CFAP74: variants seen among roughly 807,000 people sequenced by gnomAD.
The protein encoded by CFAP74 is cilia and flagella associated protein 74.
In CFAP74, 124 loss-of-function variants were observed where a neutral mutation model predicts 188.9. The observed-to-expected ratio is 0.66, with a 90% CI of 0.57 to 0.76. The LOEUF (loss-of-function observed/expected upper bound fraction) is 0.76. CFAP74 is among the 30% of genes least tolerant of loss of function. The probability of loss-of-function intolerance (pLI) is 0.00; values close to 1 mark genes in which losing one functional copy is unlikely to be tolerated. For synonymous variants in CFAP74, 956 were observed against 916.7 expected, an observed-to-expected ratio of 1.04 and a Z score of -0.77; for missense variants, 2,198 against 2,165.2, an observed-to-expected ratio of 1.02 and a Z score of -0.30.
chr1:1,928,910 G>A, intron 26 of CFAP74, 28 bp from the exon 27 acceptor site: 3 of 1,481,264 alleles, frequency 2.0e-6, no homozygotes, highest in East Asian at 4.9e-5. Flanking sequence ...TGGGCACAGG[G>A]GTTGCCACTT....
rs149049516 is a variant in CFAP74 at position 1,947,008 on chromosome 1, C to T, written c.2223G>A (p.Thr741=). 267 of 1,536,002 alleles carry T rather than the reference C, an allele frequency of 1.7e-4. 1 individual carries two copies. The African/African-American group carries it at 3.1e-3, about 18-fold the overall frequency. ...TTVIPPSEEQ[T]EITLGEVTEG... ...GGCTGACCTCCCCCAGCGTGATCTC[C>T]GTCTGCTCTTCGCTGGGAGGTATCA... Residue 741 remains threonine (T), a synonymous_variant, in exon 19 of 39, where the codon ACG becomes ACA. Transcript: ENST00000682832.
At position 1,923,333 on chromosome 1, in the gene CFAP74, C is replaced by T; in HGVS notation, c.4522+34G>A. 6.5e-7 allele frequency: 1 copy of T among 1,539,806 alleles called. No homozygotes were observed. The highest frequency in any genetic ancestry group is 1.2e-5 in the South Asian group (1 of 83,940). ...CCACGGGACAGGGGCACCGGGAGGC[C>T]CCGTGTCTGTTCCCTCCCTGGGGAG... On this transcript the variant is annotated intron_variant, in intron 36 of 38. Transcript: ENST00000682832. This position sits in a 1 kb window ranked among gnomAD's most constrained non-coding sequence, Gnocchi z 6.3.
rs747181654 is a variant in CFAP74, at chr1:1,922,352, G to A, written c.4855C>T (p.Leu1619=). Residue 1619 remains leucine, a synonymous_variant, in exon 39 of 39, where the codon CTA becomes TTA. Transcript: ENST00000682832. ...HPLMVSALLQ[L]RGDVKETYKV... is the part of the protein sequence containing the mutation. The stretch of plus-strand genomic sequence containing the variant: ...TAGGTCTCCTTCACATCCCCCCTTA[G>A]CTGCAGCAGGGCCGACACCATGAGT... The A allele has an allele frequency of 1.6e-5, 26 of 1,601,782 alleles. No individual in the cohort carries two copies. The highest frequency in any genetic ancestry group is 3.4e-5 in the South Asian group (3 of 89,322).
At chr1:1,933,567 G>A (rs1652588737) in intron 25 of CFAP74, among the ~76,000 whole-genome samples, 1 of 152,184 alleles carries the variant, frequency 6.6e-6, no homozygotes, top group South Asian at 2.1e-4. Context: ...CAGGTTCCCT[G>A]GTGTAAAGAT....
In CFAP74 at chr1:1,957,890, G is replaced by T. The variant is rs541792435; in HGVS notation, c.1852-1106C>A. Among the ~76,000 whole-genome samples, 1,139 of 152,314 alleles carry T rather than the reference G, an allele frequency of 7.5e-3. 22 individuals are homozygous for T. Among genetic ancestry groups the T allele is most frequent in the African/African-American group, 0.026 (1,060 of 41,568 alleles). On this transcript the variant is annotated intron_variant, in intron 16 of 38. Transcript: ENST00000682832. The stretch of plus-strand genomic sequence containing the variant: ...CAACCGTGACCGCTCTGAGGAGAAG[G>T]CGGCAGCCACAGGGCAAGGAGCTGC...
chr1:1,973,534 T>C lies in CFAP74; in HGVS notation c.675-487A>G, dbSNP rs996716429. ...GCTGGCCTGATGGCCTGTGGAGCACTTGGGGACTGGCCTAGTAGGTGGCCG... is the reference window on the plus strand; with the variant it reads ...GCTGGCCTGATGGCCTGTGGAGCACCTGGGGACTGGCCTAGTAGGTGGCCG... On this transcript the variant is annotated intron_variant, in intron 7 of 38. Coordinates refer to ENST00000682832, the MANE Select transcript of CFAP74 (RefSeq NM_001304360.2). The surrounding 1 kb of genome is among the most constrained non-coding windows in gnomAD (Gnocchi z 6.2). Among the ~76,000 whole-genome samples, 1 of 151,962 alleles carries C rather than the reference T, an allele frequency of 6.6e-6. No homozygotes were observed. The highest frequency in any genetic ancestry group is 2.4e-5 in the African/African-American group (1 of 41,352).
At position 1,970,797 on chromosome 1, in the gene CFAP74, TG is replaced by T. The variant is rs1406976795; in HGVS notation, c.907del (p.Gln303LysfsTer65). On this transcript the variant is annotated frameshift_variant, in exon 10 of 39. Transcript: ENST00000682832. LOFTEE classifies it high-confidence loss of function. ...SANRDTLRKF[Q>X]AWDRAKAELA... ...CTCTGCCTTGGCACGGTCCCATGCT[TG>T]GAACTTCCGCAGTGTGTCCTTGGAA... is the stretch of plus-strand genomic sequence containing the variant. 4 of 1,614,006 alleles carry T rather than the reference TG, an allele frequency of 2.5e-6. No homozygotes were observed. Among genetic ancestry groups the T allele is most frequent in the Non-Finnish European group, 3.4e-6 (4 of 1,180,006 alleles).
chr1:1,947,035 T>C lies in CFAP74; in HGVS notation c.2196A>G (p.Thr732=). The C allele has an allele frequency of 3.3e-6, 5 of 1,536,036 alleles. No individual in the cohort carries two copies. The highest frequency in any genetic ancestry group is 3.5e-6 in the Non-Finnish European group (4 of 1,146,774). Reference sequence around the variant, plus strand: ...TCTGCTCTTCGCTGGGAGGTATCACTGTGGTTAATCTCTCTGGTTCTGGAA... The same window carrying C: ...TCTGCTCTTCGCTGGGAGGTATCACCGTGGTTAATCTCTCTGGTTCTGGAA... The part of the protein sequence containing the change: ...EQPAEPERLT[T]VIPPSEEQTE... Residue 732 remains threonine, a synonymous_variant, in exon 19 of 39, where the codon ACA becomes ACG. Transcript: ENST00000682832.
At position 1,935,442 on chromosome 1, in the gene CFAP74, G is replaced by A. The variant is rs547241994; in HGVS notation, c.3011+3413C>T. ...AGGTTGTAGGTACACACGTGTGTAC[G>A]TGGGTGTTAGGTTGTAGGTACACAG... On this transcript the variant is annotated intron_variant, in intron 25 of 38. Transcript: ENST00000682832. Among the ~76,000 whole-genome samples, 46 of 97,628 alleles carry A rather than the reference G, an allele frequency of 4.7e-4. 15 individuals are homozygous for A. The highest frequency in any genetic ancestry group is 1.5e-3 in the African/African-American group (41 of 27,574). 64.0% of individuals were successfully genotyped at this position (97,628 alleles called of 152,430 possible). A position where few individuals can be genotyped will look rare whatever the true frequency, so the allele number is the denominator to read the frequency against.
In CFAP74 at chr1:1,930,071, A is replaced by G; in HGVS notation, c.3277T>C (p.Trp1093Arg). Reference protein sequence around the residue: ...ITISPSVGTVWPGKRCLVQVA... With the variant: ...ITISPSVGTVRPGKRCLVQVA... ...GGGCCCACACCCACCTTTCCTGGCCACACGGTCCCCACTGAGGGCGAGATG... is the reference window on the plus strand; with the variant it reads ...GGGCCCACACCCACCTTTCCTGGCCGCACGGTCCCCACTGAGGGCGAGATG... The change falls in exon 26 of 39, where the codon TGG becomes CGG. Residue 1093 changes from tryptophan to arginine, a missense_variant. Coordinates refer to ENST00000682832, the MANE Select transcript of CFAP74 (RefSeq NM_001304360.2). 1 of 1,522,480 alleles carries G rather than the reference A, an allele frequency of 6.6e-7. No homozygotes were observed. The highest frequency in any genetic ancestry group is 2.5e-5 in the East Asian group (1 of 40,590). The allele number at this position is 1,522,480 out of a possible 1,614,324, so 94.3% of individuals were successfully genotyped here.
At chr1:1,984,219 C>T (rs1657092773) in intron 6 of CFAP74, 1 of 152,098 alleles carries the variant, frequency 6.6e-6, no homozygotes, top group African/African-American at 2.4e-5. Flanking sequence ...GTCTTGAACT[C>T]CTGACCTCAG....
intron 9 of CFAP74, 110 bp from the exon 10 acceptor site, chr1:1,970,926 C>A (rs1015949490): frequency 5.4e-6 from 7 of 1,306,664 alleles, no homozygotes; most frequent in African/African-American, 1.5e-5. Flanking sequence ...CGTGCACACA[C>A]GTGCACACAC....
chr1:1,959,776 T>C (rs530135776), intron 15 of CFAP74, among the ~76,000 whole-genome samples, 188 bp downstream of exon 15: 1 of 152,340 alleles, frequency 6.6e-6, no homozygotes, highest in East Asian at 1.9e-4. Flanking sequence ...GCGCCGCGGT[T>C]CTGCCCAGCA....
At chr1:1,926,868 C>G (rs1336141949) in intron 29 of CFAP74, 26 bp downstream of exon 29, 1 of 1,549,802 alleles carries the variant, frequency 6.5e-7, no homozygotes, top group East Asian at 2.4e-5. Flanking sequence ...CTGACCACAC[C>G]CTGTTCTGGC....
In CFAP74 at chr1:1,979,706, G is replaced by A. The variant is rs190171158; in HGVS notation, c.501-5508C>T. Among the ~76,000 whole-genome samples, 17 of 126,946 alleles carry A rather than the reference G, an allele frequency of 1.3e-4. 2 individuals carry two copies. In the East Asian group the frequency reaches 2.9e-3, roughly 22 times the overall value. 83.3% of individuals were successfully genotyped at this position (126,946 alleles called of 152,430 possible). ...CGCGTGACGAGGCTGCGCAGAACAC[G>A]CATGTCATGCTGAGCTGGGTGTGGG... is the stretch of plus-strand genomic sequence containing the variant. On this transcript the variant is annotated intron_variant, in intron 6 of 38. Coordinates refer to ENST00000682832, the MANE Select transcript of CFAP74 (RefSeq NM_001304360.2).
In CFAP74 at chr1:1,935,032, T is replaced by C. The variant is rs1299488596; in HGVS notation, c.3011+3823A>G. On this transcript the variant is annotated intron_variant, in intron 25 of 38. Coordinates refer to ENST00000682832, the MANE Select transcript of CFAP74 (RefSeq NM_001304360.2). ...ATGTGTGTTGCTGTGGGTACACACG[T>C]GTGTACGTGGGTGTTAGGCTGTGGG... Among the ~76,000 whole-genome samples the C allele has an allele frequency of 3.9e-5, 3 of 77,256 alleles. 1 individual carries two copies. Among genetic ancestry groups the C allele is most frequent in the Non-Finnish European group, 5.2e-5 (2 of 38,164 alleles). 50.7% of individuals were successfully genotyped at this position (77,256 alleles called of 152,430 possible). A position where few individuals can be genotyped will look rare whatever the true frequency, so the allele number is the denominator to read the frequency against.
Position 1,964,987 on chromosome 1 carries a change from C to T in CFAP74, c.1476G>A (p.Val492=), listed in dbSNP as rs774528600. 32 of 1,613,888 alleles carry T rather than the reference C, an allele frequency of 2.0e-5. 1 individual carries two copies. Among genetic ancestry groups the T allele is most frequent in the Middle Eastern group, 1.6e-4 (1 of 6,084 alleles). ...KMDKDILERT[V]ERLRSRVVHK... ...GGACCACCCTGCTCCGCAGCCGCTC[C>T]ACCGTGCGCTCCAGGATGTCCTTGT... is the stretch of plus-strand genomic sequence containing the variant. The change falls in exon 13 of 39, where the codon GTG becomes GTA. Residue 492 remains valine, a synonymous_variant. Coordinates refer to ENST00000682832, the MANE Select transcript of CFAP74 (RefSeq NM_001304360.2).
chr1:1,980,645 C>T (rs1656780718), intron 6 of CFAP74, among the ~76,000 whole-genome samples: 1 of 152,230 alleles, frequency 6.6e-6, no homozygotes, highest in Admixed American at 6.5e-5. Context: ...ACAGACGCTT[C>T]TGCCAGCCCA....
chr1:1,931,510 G>A (rs1210326297), intron 25 of CFAP74, among the ~76,000 whole-genome samples: 2 of 150,224 alleles, frequency 1.3e-5, no homozygotes, highest in Non-Finnish European at 1.5e-5. Context: ...TCCGAGGCGG[G>A]CGGATCACAA....
Sources: allele counts gnomAD v4.1 joint callset (sites outside exome capture counted in the v4.1 genomes callset), GRCh38; gene constraint gnomAD v4.1.1; non-coding constraint Gnocchi (gnomAD v3.1); transcripts MANE v1.5; gene names NCBI Gene and HGNC (gene_info 2026-07-23, HGNC 2026-07-21).